The following FHIT variants were observed in gnomAD, a reference collection of about 807,000 sequenced individuals.
The protein encoded by FHIT is bis(5'-adenosyl)-triphosphatase.
A neutral mutation model predicts 17.9 loss-of-function variants in FHIT; 19 were observed. The observed-to-expected ratio is 1.06, with a 90% CI of 0.74 to 1.56. FHIT has a LOEUF of 1.56. Ranked by LOEUF, FHIT falls within the 40% of genes most tolerant of loss-of-function variation. The probability of loss-of-function intolerance (pLI) is 0.00; values close to 1 mark genes in which losing one functional copy is unlikely to be tolerated. For missense variants in FHIT, 248 were observed against 189.2 expected, an observed-to-expected ratio of 1.31 and a Z score of -1.82; for synonymous variants, 81 against 69.7, an observed-to-expected ratio of 1.16 and a Z score of -0.81.
intron 4 of FHIT, among the ~76,000 whole-genome samples, chr3:60,623,915 T>C (rs1246653485): frequency 6.6e-6 from 1 of 152,198 alleles, no homozygotes; most frequent in Non-Finnish European, 1.5e-5. Flanking sequence ...GGATCTCCTA[T>C]GCATCAGGCA....
intron 2 of FHIT, among the ~76,000 whole-genome samples, chr3:61,083,416 C>T (rs575028757): frequency 2.0e-5 from 3 of 152,146 alleles, no homozygotes; most frequent in African/African-American, 7.2e-5. Flanking sequence ...CGGTGAAACC[C>T]CGTCTCTACT....
chr3:60,884,381 G>A (rs782682637), intron 3 of FHIT, among the ~76,000 whole-genome samples: 2 of 152,070 alleles, frequency 1.3e-5, no homozygotes, highest in African/African-American at 2.4e-5. Context: ...TGAAAGAAAG[G>A]AAATCAGGAT....
At chr3:60,951,681 T>C (rs1208617446) in intron 3 of FHIT, among the ~76,000 whole-genome samples, 2 of 152,080 alleles carry the variant, frequency 1.3e-5, no homozygotes, top group Non-Finnish European at 2.9e-5. Flanking sequence ...AAACGGGAAA[T>C]GGGTTAAGCA....
intron 3 of FHIT, among the ~76,000 whole-genome samples, chr3:60,982,558 T>C (rs1710541110): frequency 6.6e-6 from 1 of 152,256 alleles, no homozygotes; most frequent in Non-Finnish European, 1.5e-5. Flanking sequence ...CTTCCATTTG[T>C]TGTCCTTTCT....
At chr3:61,221,036 A>C (rs772597547) in intron 1 of FHIT, among the ~76,000 whole-genome samples, 4 of 152,370 alleles carry the variant, frequency 2.6e-5, no homozygotes, top group Admixed American at 6.5e-5. Context: ...AATACCAATC[A>C]GCCAATAATT....
chr3:60,931,392 T>A (rs1553771747), intron 3 of FHIT, among the ~76,000 whole-genome samples: 1 of 152,160 alleles, frequency 6.6e-6, no homozygotes, highest in Non-Finnish European at 1.5e-5. Flanking sequence ...ATAAAACATA[T>A]TCACATATTT....
chr3:60,925,003 T>C (rs1264429037), intron 3 of FHIT, among the ~76,000 whole-genome samples: 1 of 151,970 alleles, frequency 6.6e-6, no homozygotes. Flanking sequence ...AAGGGAAGTT[T>C]AGAGAAAAAA....
At chr3:60,866,099 T>C (rs535683628) in intron 3 of FHIT, among the ~76,000 whole-genome samples, 1 of 152,252 alleles carries the variant, frequency 6.6e-6, no homozygotes, top group South Asian at 2.1e-4. Context: ...CTGCCACAAA[T>C]ACACTGAGGG....
At chr3:59,999,903 T>C (rs1431855396) in intron 7 of FHIT, among the ~76,000 whole-genome samples, 2 of 152,144 alleles carry the variant, frequency 1.3e-5, no homozygotes, top group African/African-American at 4.8e-5. Flanking sequence ...CCACTGTTCC[T>C]GGCCAGATCA....
chr3:60,653,946 T>C (rs1354450819), intron 4 of FHIT, among the ~76,000 whole-genome samples: 2 of 151,806 alleles, frequency 1.3e-5, no homozygotes, highest in Non-Finnish European at 2.9e-5. Context: ...TGGTGGGAGG[T>C]GTTTGGATCA....
chr3:60,066,527 C>T (rs901588525), intron 5 of FHIT, among the ~76,000 whole-genome samples: 2 of 151,944 alleles, frequency 1.3e-5, no homozygotes, highest in Non-Finnish European at 2.9e-5. Flanking sequence ...CTAATGACCT[C>T]CCGCCCTCTC....
intron 5 of FHIT, among the ~76,000 whole-genome samples, chr3:60,513,781 AG>A: frequency 6.6e-6 from 1 of 152,248 alleles, no homozygotes; most frequent in South Asian, 2.1e-4. Flanking sequence ...AAATGAGAAT[AG>A]GCATGCTTGT....
intron 8 of FHIT, among the ~76,000 whole-genome samples, chr3:59,877,925 T>G (rs1193318062): frequency 6.6e-6 from 1 of 152,204 alleles, no homozygotes; most frequent in Non-Finnish European, 1.5e-5. Flanking sequence ...CACTCAGACC[T>G]GGACAAAATG....
chr3:60,129,457 C>G (rs957224074), intron 5 of FHIT, among the ~76,000 whole-genome samples: 7 of 152,154 alleles, frequency 4.6e-5, no homozygotes, highest in African/African-American at 1.4e-4. Flanking sequence ...ATGTATGAAT[C>G]TTTTGTACCT....
At chr3:61,161,137 TAA>T (rs201875023) in intron 2 of FHIT, among the ~76,000 whole-genome samples, 77 of 133,254 alleles carry the variant, frequency 5.8e-4, no homozygotes, top group Middle Eastern at 3.9e-3. Flanking sequence ...CATCCACAGT[TAA>T]AAAAAAAAAA....
intron 8 of FHIT, among the ~76,000 whole-genome samples, chr3:59,774,095 G>A (rs547710466): frequency 6.6e-6 from 1 of 152,096 alleles, no homozygotes; most frequent in South Asian, 2.1e-4. Flanking sequence ...TTTTGGACAG[G>A]GCTGCCCTAC....
intron 4 of FHIT, among the ~76,000 whole-genome samples, chr3:60,793,693 C>T (rs1553729292): frequency 6.6e-6 from 1 of 152,164 alleles, no homozygotes; most frequent in Non-Finnish European, 1.5e-5. Flanking sequence ...AGAAGCCAAG[C>T]GAGGGTGTGA....
intron 5 of FHIT, among the ~76,000 whole-genome samples, chr3:60,319,855 ATCTT>A (rs1262398296): frequency 1.3e-5 from 2 of 152,084 alleles, no homozygotes; most frequent in Non-Finnish European, 2.9e-5. Flanking sequence ...GGGTAGAATC[ATCTT>A]TCTTTAATTT....
chr3:60,105,792 TTTACTC>T (rs770562663), intron 5 of FHIT, among the ~76,000 whole-genome samples: 70 of 152,122 alleles, frequency 4.6e-4, no homozygotes, highest in Middle Eastern at 3.2e-3. Flanking sequence ...GTATTTTACT[TTTACTC>T]TAAAAACTTT....
Sources: gnomAD v4.1 joint callset for allele counts (sites outside exome capture counted in the v4.1 genomes callset) on GRCh38, gnomAD v4.1.1 for gene constraint, MANE v1.5 for transcripts, NCBI Gene and HGNC (gene_info 2026-07-23, HGNC 2026-07-21) for gene names.